Variants in SDK1 observed in about 807,000 individuals in gnomAD.
SDK1 encodes the protein sidekick cell adhesion molecule 1.
SDK1 carries 157 observed loss-of-function variants against 245.5 expected under a neutral mutation model. The ratio of observed to expected loss-of-function variants is 0.64; its 90% CI spans 0.56 to 0.73. SDK1 has a LOEUF of 0.73. SDK1 is among the 30% of genes least tolerant of loss of function. The pLI is 0.00. For missense variants in SDK1, 3,583 were observed against 3,002.3 expected (o/e 1.19, Z -4.52); for synonymous variants, 1,647 against 1,278.5 (o/e 1.29, Z -6.15).
chr7:3,414,935 T>G (rs1779319664), intron 1 of SDK1, among the ~76,000 whole-genome samples: 1 of 152,208 alleles, frequency 6.6e-6, no homozygotes, highest in African/African-American at 2.4e-5. Context: ...AAAAAATATT[T>G]CCGTGCACGG....
intron 1 of SDK1, among the ~76,000 whole-genome samples, chr7:3,422,628 C>A (rs1325922660): frequency 6.6e-6 from 1 of 152,076 alleles, no homozygotes; most frequent in African/African-American, 2.4e-5. Context: ...CCCCATCACA[C>A]ACACCCAGAA....
intron 1 of SDK1, among the ~76,000 whole-genome samples, chr7:3,436,763 C>T (rs1415394003): frequency 2.0e-5 from 3 of 152,036 alleles, no homozygotes; most frequent in Non-Finnish European, 2.9e-5. Context: ...GATTCTTTGT[C>T]CTCACTGTCT....
intron 5 of SDK1, among the ~76,000 whole-genome samples, chr7:3,825,883 A>T (rs1385369214): frequency 6.6e-6 from 1 of 152,194 alleles, no homozygotes; most frequent in Non-Finnish European, 1.5e-5. Context: ...TTCCTAAAAC[A>T]ATAGGAACTG....
intron 40 of SDK1, chr7:4,227,270 A>G (rs754522536): frequency 7.7e-5 from 33 of 428,164 alleles, no homozygotes; most frequent in Non-Finnish European, 1.4e-4. Flanking sequence ...TGTCTTTCTC[A>G]TAAGCTGCTT....
intron 22 of SDK1, among the ~76,000 whole-genome samples, chr7:4,081,207 C>T (rs1781035218): frequency 1.3e-5 from 2 of 152,206 alleles, no homozygotes; most frequent in South Asian, 4.1e-4. Flanking sequence ...AAAAGCTCAT[C>T]TGTGCATCCA....
intron 1 of SDK1, among the ~76,000 whole-genome samples, chr7:3,357,517 A>G (rs565794747): frequency 1.4e-5 from 2 of 143,508 alleles, no homozygotes; most frequent in African/African-American, 2.5e-5. Context: ...ACCTGGCTTA[A>G]TTTTTTTTTT....
At chr7:4,229,792 A>G (rs765488011) in intron 40 of SDK1, among the ~76,000 whole-genome samples, 7 of 152,194 alleles carry the variant, frequency 4.6e-5, no homozygotes, top group African/African-American at 9.7e-5. Flanking sequence ...AAAATTGTCT[A>G]TCTTTTTAGA....
intron 40 of SDK1, among the ~76,000 whole-genome samples, chr7:4,225,376 C>T (rs1368354182): frequency 6.6e-6 from 1 of 152,210 alleles, no homozygotes; most frequent in African/African-American, 2.4e-5. Flanking sequence ...CGGACAAGCA[C>T]ACCAATGTGT....
intron 1 of SDK1, among the ~76,000 whole-genome samples, chr7:3,431,099 C>T (rs1779832679): frequency 6.6e-6 from 1 of 152,026 alleles, no homozygotes; most frequent in South Asian, 2.1e-4. Flanking sequence ...CAGGGTTTCA[C>T]CATGTTGGCC....
At chr7:4,125,462 G>T (rs1014919950) in intron 25 of SDK1, among the ~76,000 whole-genome samples, 7 of 151,594 alleles carry the variant, frequency 4.6e-5, no homozygotes. Flanking sequence ...TGGATGAATG[G>T]ATGGATGGAT....
At chr7:4,029,222 T>TC in intron 17 of SDK1, among the ~76,000 whole-genome samples, 1 of 128,856 alleles carries the variant, frequency 7.8e-6, no homozygotes, top group African/African-American at 4.2e-5. Context: ...TTCTTTTTTT[T>TC]TTTTTTTGTG....
rs1191649050 is a variant in SDK1 at position 3,939,385 on chromosome 7, C to T, written c.848-11538C>T. Among the ~76,000 whole-genome samples the T allele has an allele frequency of 1.3e-5, 2 of 152,228 alleles. 1 individual carries two copies. The highest frequency in any genetic ancestry group is 3.8e-4 in the East Asian group (2 of 5,202). Reference sequence around the variant, plus strand: ...CAGAAATGTATAAACCAGCTTCCCACGTCCAGGGGCTGGGCCAGTACAGAT... The same window carrying T: ...CAGAAATGTATAAACCAGCTTCCCATGTCCAGGGGCTGGGCCAGTACAGAT... On this transcript the variant is annotated intron_variant, in intron 5 of 44. Coordinates refer to ENST00000404826, the MANE Select transcript of SDK1 (RefSeq NM_152744.4).
intron 35 of SDK1, among the ~76,000 whole-genome samples, chr7:4,203,476 C>T (rs987865715): frequency 3.3e-5 from 5 of 151,798 alleles, no homozygotes; most frequent in African/African-American, 7.3e-5. Flanking sequence ...TAGCAGCAGA[C>T]GCCAGCAATT....
At chr7:3,534,430 T>C (rs1047888904) in intron 1 of SDK1, among the ~76,000 whole-genome samples, 2 of 152,168 alleles carry the variant, frequency 1.3e-5, no homozygotes, top group African/African-American at 4.8e-5. Context: ...CATATAGTAA[T>C]TATATTTTTA....
chr7:4,017,749 A>G (rs1437817502), intron 17 of SDK1, among the ~76,000 whole-genome samples: 1 of 152,170 alleles, frequency 6.6e-6, no homozygotes, highest in Non-Finnish European at 1.5e-5. Flanking sequence ...TCACAGTTTT[A>G]TTTTTAACGA....
At chr7:3,441,739 A>G (rs1255909589) in intron 1 of SDK1, among the ~76,000 whole-genome samples, 1 of 152,176 alleles carries the variant, frequency 6.6e-6, no homozygotes, top group Non-Finnish European at 1.5e-5. Flanking sequence ...CTTGTAAATC[A>G]ATTTGGGTAG....
chr7:4,222,806 G>C (rs907041048), intron 40 of SDK1, among the ~76,000 whole-genome samples: 3 of 152,304 alleles, frequency 2.0e-5, no homozygotes, highest in Non-Finnish European at 4.4e-5. Flanking sequence ...GCCTCCTGTG[G>C]TCACTGCCTG....
At position 3,579,575 on chromosome 7, in the gene SDK1, T is replaced by A. The variant is rs191997603; in HGVS notation, c.299-39505T>A. On this transcript the variant is annotated intron_variant, in intron 1 of 44. Coordinates refer to ENST00000404826, the MANE Select transcript of SDK1 (RefSeq NM_152744.4). Reference sequence around the variant, plus strand: ...AACCCATAGCCAACATCATATTGAATGGGCAAAAGCTGGAAGCATTCCCTT... The same window carrying A: ...AACCCATAGCCAACATCATATTGAAAGGGCAAAAGCTGGAAGCATTCCCTT... 1.1e-3 allele frequency among the ~76,000 whole-genome samples: 171 copies of A among 152,292 alleles called. 1 individual carries two copies. The highest frequency in any genetic ancestry group is 4.0e-3 in the African/African-American group (167 of 41,570).
chr7:3,378,696 C>G (rs1280363125), intron 1 of SDK1, among the ~76,000 whole-genome samples: 1 of 152,092 alleles, frequency 6.6e-6, no homozygotes, highest in Non-Finnish European at 1.5e-5. Context: ...AGGTAAGGAT[C>G]TGCAACTCAG....
Sources: gnomAD v4.1 joint callset for allele counts (sites outside exome capture counted in the v4.1 genomes callset) on GRCh38, gnomAD v4.1.1 for gene constraint, MANE v1.5 for transcripts, NCBI Gene and HGNC (gene_info 2026-07-23, HGNC 2026-07-21) for gene names.